Variants in PHC3 observed in about 807,000 individuals in gnomAD.
PHC3 encodes the protein polyhomeotic-like protein 3.
In PHC3, 13 loss-of-function variants were observed where a neutral mutation model predicts 107.4. That is an observed-to-expected ratio of 0.12 (90% CI 0.08 to 0.19). The LOEUF (loss-of-function observed/expected upper bound fraction) is 0.19. Ranked by LOEUF, PHC3 falls within the 10% of genes least tolerant of loss-of-function variation. PHC3 has a pLI of 1.00. For missense variants in PHC3, 992 were observed against 1,210.9 expected (o/e 0.82, Z 2.68); for synonymous variants, 456 against 427.4 (o/e 1.07, Z -0.83).
intron 4 of PHC3, among the ~76,000 whole-genome samples, chr3:170,166,193 T>A (rs531589727): frequency 2.0e-5 from 3 of 152,012 alleles, no homozygotes; most frequent in African/African-American, 7.2e-5. Flanking sequence ...TATAGGCACG[T>A]ACCACCATGG....
intron 5 of PHC3, chr3:170,147,921 A>C (rs1725263422): frequency 6.6e-6 from 1 of 152,190 alleles, no homozygotes; most frequent in Non-Finnish European, 1.5e-5. Context: ...GGTTCAACCT[A>C]ATTTTAAAGC....
At chr3:170,125,437 C>T (rs866022066) in intron 8 of PHC3, among the ~76,000 whole-genome samples, 2 of 152,154 alleles carry the variant, frequency 1.3e-5, no homozygotes, top group Non-Finnish European at 2.9e-5. Context: ...ATCTATGTAG[C>T]ATTCCTTCAG....
At chr3:170,113,822 A>G (rs1266191367) in intron 10 of PHC3, among the ~76,000 whole-genome samples, 2 of 152,230 alleles carry the variant, frequency 1.3e-5, no homozygotes, top group Admixed American at 6.5e-5. Context: ...CTTTATCTTC[A>G]GAATTAATAC....
intron 9 of PHC3, among the ~76,000 whole-genome samples, chr3:170,119,405 T>A (rs949642785): frequency 2.0e-5 from 3 of 152,214 alleles, no homozygotes; most frequent in Non-Finnish European, 4.4e-5. Context: ...TAATGCTTGC[T>A]GTATATTCTA....
At chr3:170,155,062 C>G (rs922136923) in intron 4 of PHC3, among the ~76,000 whole-genome samples, 1 of 152,200 alleles carries the variant, frequency 6.6e-6, no homozygotes, top group Admixed American at 6.5e-5. Context: ...CCGATTACTG[C>G]AAGCTGTCTC....
At chr3:170,105,250 T>C (rs1716263153) in intron 12 of PHC3, among the ~76,000 whole-genome samples, 1 of 152,248 alleles carries the variant, frequency 6.6e-6, no homozygotes, top group South Asian at 2.1e-4. Flanking sequence ...TTGTTCTTTC[T>C]TGTGGTATAT....
rs1730957586 is a variant in PHC3 at position 170,178,908 on chromosome 3, A to G, written c.45T>C (p.Thr15=). ...EFKDHSTAMD[T]EPNPGTSSVS... ...CAGAAGATGTTCCCGGGTTTGGTTCAGTATCCATAGCTGTACTATGGTCCT... is the reference window on the plus strand; with the variant it reads ...CAGAAGATGTTCCCGGGTTTGGTTCGGTATCCATAGCTGTACTATGGTCCT... The change falls in exon 2 of 15, where the codon ACT becomes ACC. Residue 15 remains threonine (T), a synonymous_variant. Coordinates refer to ENST00000495893, the MANE Select transcript of PHC3 (RefSeq NM_024947.4). The G allele has an allele frequency of 1.2e-6, 2 of 1,613,920 alleles. No individual in the cohort carries two copies. The highest frequency in any genetic ancestry group is 1.7e-6 in the Non-Finnish European group (2 of 1,179,838).
intron 12 of PHC3, among the ~76,000 whole-genome samples, 165 bp from the exon 13 acceptor site, chr3:170,103,099 T>C (rs1022746651): frequency 2.0e-5 from 3 of 152,206 alleles, no homozygotes; most frequent in Non-Finnish European, 4.4e-5. Flanking sequence ...GATTTACTTA[T>C]GCTAAAGGTC....
chr3:170,117,333 T>A lies in PHC3; in HGVS notation c.2086A>T (p.Ser696Cys). Residue 696 changes from serine to cysteine, a missense_variant, in exon 10 of 15, where the codon AGC (serine) becomes TGC (cysteine). Physicochemically the swap from Ser to Cys is moderately radical, Grantham distance 112. Transcript: ENST00000495893. ...TRSNSTSMHSSIPSIENKPPQ... is the reference protein window; with the variant it reads ...TRSNSTSMHSCIPSIENKPPQ... ...GGTTTGTTCTCTATACTGGGAATGCTACTGTGCATAGATGTACTGTTACTC... is the reference window on the plus strand; with the variant it reads ...GGTTTGTTCTCTATACTGGGAATGCAACTGTGCATAGATGTACTGTTACTC... 1 of 1,613,962 alleles carries A rather than the reference T, an allele frequency of 6.2e-7. No individual in the cohort carries two copies. The highest frequency in any genetic ancestry group is 2.2e-5 in the East Asian group (1 of 44,860).
rs751591222 is a variant in PHC3 at position 170,175,282 on chromosome 3, ATCTT to A, written c.181-2574_181-2571del. 2.7e-4 allele frequency among the ~76,000 whole-genome samples: 41 copies of A among 152,198 alleles called. 1 individual carries two copies. The highest frequency in any genetic ancestry group is 5.9e-4 in the Admixed American group (9 of 15,272). On this transcript the variant is annotated intron_variant, in intron 2 of 14. Coordinates refer to ENST00000495893, the MANE Select transcript of PHC3 (RefSeq NM_024947.4). ...TTATGAGATATATCTACATCTACAT[ATCTT>A]TCTATTAATTTTTTATTAATCTATG...
At chr3:170,180,272 C>A (rs908605225) in intron 1 of PHC3, among the ~76,000 whole-genome samples, 6 of 151,864 alleles carry the variant, frequency 4.0e-5, no homozygotes, top group Non-Finnish European at 8.8e-5. Context: ...ATAGGGAAAC[C>A]CTGTCTCTAC....
At chr3:170,110,706 A>G (rs539527253) in intron 11 of PHC3, among the ~76,000 whole-genome samples, 1 of 152,304 alleles carries the variant, frequency 6.6e-6, no homozygotes, top group South Asian at 2.1e-4. Flanking sequence ...ATGTATGTAA[A>G]TAATATATAC....
At chr3:170,177,063 A>C (rs1730594234) in intron 2 of PHC3, 1 of 330,710 alleles carries the variant, frequency 3.0e-6, no homozygotes, top group African/African-American at 2.1e-5. Flanking sequence ...CAACTAAGTG[A>C]CTTCCTAGTT....
At chr3:170,140,083 T>C (rs990141281) in intron 6 of PHC3, among the ~76,000 whole-genome samples, 36 of 151,918 alleles carry the variant, frequency 2.4e-4, no homozygotes, top group African/African-American at 8.0e-4. Flanking sequence ...GCAATTATCA[T>C]AGTATCCCTA....
Position 170,102,589 on chromosome 3 carries a change from T to C in PHC3, c.2723A>G (p.Asp908Gly). 1 of 1,613,930 alleles carries C rather than the reference T, an allele frequency of 6.2e-7. No homozygotes were observed. The highest frequency in any genetic ancestry group is 1.7e-5 in the Admixed American group (1 of 60,006). ...SERERERELR[D>G]VRIRKMPENS... ...CTCAGGCATTTTCCGAATTCTCACA[T>C]CCCGAAGCTCACGTTCTCTTTCCCG... The change falls in exon 14 of 15, where the codon GAT (aspartate) becomes GGT (glycine). Residue 908 changes from aspartate to glycine, a missense_variant. This residue lies in a region of PHC3 where 228 missense variants were observed against 288.8 expected (regional missense o/e 0.79). Transcript: ENST00000495893.
At chr3:170,157,823 AAT>A (rs1727127355) in intron 4 of PHC3, among the ~76,000 whole-genome samples, 1 of 152,062 alleles carries the variant, frequency 6.6e-6, no homozygotes, top group Admixed American at 6.6e-5. Context: ...TGACCCACTG[AAT>A]ATACTCTCAG....
At chr3:170,162,719 A>G (rs1255887131) in intron 4 of PHC3, among the ~76,000 whole-genome samples, 1 of 152,124 alleles carries the variant, frequency 6.6e-6, no homozygotes, top group African/African-American at 2.4e-5. Flanking sequence ...TCCATACCAG[A>G]ACAGCTCTCC....
intron 14 of PHC3, 132 bp downstream of exon 14, chr3:170,102,347 C>T: frequency 6.9e-7 from 1 of 1,456,518 alleles, no homozygotes; most frequent in East Asian, 2.5e-5. Flanking sequence ...ATTTCAATAA[C>T]AAATGTCATT....
chr3:170,119,861 T>C (rs551142812), intron 9 of PHC3, among the ~76,000 whole-genome samples: 1 of 152,036 alleles, frequency 6.6e-6, no homozygotes, highest in African/African-American at 2.4e-5. Flanking sequence ...TGTGCTTTAG[T>C]TCCCCCTCAA....
Sources: gnomAD v4.1 joint callset for allele counts (sites outside exome capture counted in the v4.1 genomes callset) on GRCh38, gnomAD v4.1.1 for gene constraint, gnomAD v4.1.1 regional missense constraint, MANE v1.5 for transcripts, NCBI Gene and HGNC (gene_info 2026-07-23, HGNC 2026-07-21) for gene names.